Variants in GAREM1 observed in about 807,000 individuals in gnomAD.
The protein encoded by GAREM1 is GRB2 associated regulator of MAPK1 subtype 1.
GAREM1 carries 26 observed loss-of-function variants against 71.3 expected under a neutral mutation model. The observed-to-expected ratio is 0.36, with a 90% CI of 0.27 to 0.51. The LOEUF (loss-of-function observed/expected upper bound fraction) is 0.51, where lower values mean the gene tolerates loss of function less well. Among genes scored for constraint, GAREM1 ranks in the 20% least tolerant of loss-of-function variants. The pLI is 0.95. For synonymous variants in GAREM1, 440 were observed against 433.2 expected (o/e 1.02, Z -0.20); for missense variants, 1,026 against 1,103.1 (o/e 0.93, Z 0.99).
chr18:32,344,371 T>C (rs935143947), intron 2 of GAREM1, among the ~76,000 whole-genome samples: 1 of 152,208 alleles, frequency 6.6e-6, no homozygotes, highest in Non-Finnish European at 1.5e-5. Context: ...TCCTTCTTAG[T>C]ACTGGCAATA....
At chr18:32,343,400 T>C (rs1310507011) in intron 2 of GAREM1, among the ~76,000 whole-genome samples, 3 of 146,628 alleles carry the variant, frequency 2.0e-5, no homozygotes, top group Non-Finnish European at 4.5e-5. Flanking sequence ...CTGCAACCTA[T>C]ACCTCCTGGG....
At chr18:32,321,959 T>C (rs988581352) in intron 2 of GAREM1, among the ~76,000 whole-genome samples, 1 of 152,210 alleles carries the variant, frequency 6.6e-6, no homozygotes, top group African/African-American at 2.4e-5. Flanking sequence ...GGGTAGGCTA[T>C]AGGGGAACCA....
At chr18:32,315,430 A>G (rs1346323379) in intron 2 of GAREM1, among the ~76,000 whole-genome samples, 1 of 147,592 alleles carries the variant, frequency 6.8e-6, no homozygotes, top group Non-Finnish European at 1.5e-5. Flanking sequence ...TATATAAAGT[A>G]TATATAAAAA....
At chr18:32,373,503 C>A (rs889216539) in intron 2 of GAREM1, among the ~76,000 whole-genome samples, 1 of 152,170 alleles carries the variant, frequency 6.6e-6, no homozygotes, top group African/African-American at 2.4e-5. Flanking sequence ...CCTACATTTT[C>A]TCTTCCTTCA....
chr18:32,309,776 A>T (rs1443640210), intron 3 of GAREM1, among the ~76,000 whole-genome samples: 1 of 152,178 alleles, frequency 6.6e-6, no homozygotes, highest in Non-Finnish European at 1.5e-5. Flanking sequence ...AGAAATGCTT[A>T]GAAACCTATT....
At chr18:32,272,715 C>T (rs1027842304) in intron 4 of GAREM1, among the ~76,000 whole-genome samples, 33 of 152,150 alleles carry the variant, frequency 2.2e-4, no homozygotes, top group African/African-American at 8.0e-4. Flanking sequence ...CCTCCGCCTC[C>T]CAGGTTCCAG....
intron 2 of GAREM1, among the ~76,000 whole-genome samples, chr18:32,330,174 C>T (rs1265205476): frequency 6.6e-6 from 1 of 152,062 alleles, no homozygotes; most frequent in Non-Finnish European, 1.5e-5. Flanking sequence ...TACTACACAG[C>T]CATAAACGAG....
At chr18:32,400,122 G>A (rs1391644762) in intron 1 of GAREM1, among the ~76,000 whole-genome samples, 5 of 152,208 alleles carry the variant, frequency 3.3e-5, no homozygotes, top group African/African-American at 1.2e-4. Flanking sequence ...CTAGCCATAT[G>A]TAGAAAGCTG....
At chr18:32,286,943 T>G (rs1469762457) in intron 4 of GAREM1, 88 bp downstream of exon 4, 5 of 940,476 alleles carry the variant, frequency 5.3e-6, no homozygotes, top group Non-Finnish European at 8.3e-6. Flanking sequence ...CAATCTTCAG[T>G]TGGGGAGTTT....
Position 32,344,202 on chromosome 18 carries a change from T to C in GAREM1, c.263-33879A>G, listed in dbSNP as rs562085176. Among the ~76,000 whole-genome samples the C allele has an allele frequency of 3.3e-5, 5 of 152,286 alleles. 1 individual carries two copies. In the South Asian group the frequency reaches 1.0e-3, roughly 32 times the overall value. On this transcript the variant is annotated intron_variant, in intron 2 of 5. Coordinates refer to ENST00000269209, the MANE Select transcript of GAREM1 (RefSeq NM_001242409.2). The stretch of plus-strand genomic sequence containing the variant: ...AGTCCCCAACTGTAGGCTGTTTCTT[T>C]AGGAATTGATCTCTTTTTGGACCCA...
At chr18:32,451,194 G>A (rs2048835196) in intron 1 of GAREM1, among the ~76,000 whole-genome samples, 1 of 152,038 alleles carries the variant, frequency 6.6e-6, no homozygotes, top group Admixed American at 6.6e-5. Context: ...CACAAACTGA[G>A]GCTTTTAGGC....
At chr18:32,453,029 G>T (rs1599058924) in intron 1 of GAREM1, among the ~76,000 whole-genome samples, 1 of 152,030 alleles carries the variant, frequency 6.6e-6, no homozygotes, top group African/African-American at 2.4e-5. Context: ...ACATACCCGA[G>T]ACTGGGTAAT....
intron 3 of GAREM1, among the ~76,000 whole-genome samples, chr18:32,293,039 A>G (rs1256314284): frequency 1.3e-5 from 2 of 152,208 alleles, no homozygotes. Context: ...GAAGAAGACC[A>G]GGAAAGGCAA....
At chr18:32,283,661 A>G (rs1346704899) in intron 4 of GAREM1, among the ~76,000 whole-genome samples, 1 of 152,244 alleles carries the variant, frequency 6.6e-6, no homozygotes, top group Non-Finnish European at 1.5e-5. Context: ...AGAGGACTAG[A>G]GCATCAAATG....
At chr18:32,466,386 T>C (rs2048999235) in intron 1 of GAREM1, among the ~76,000 whole-genome samples, 1 of 152,218 alleles carries the variant, frequency 6.6e-6, no homozygotes, top group Non-Finnish European at 1.5e-5. Context: ...AAATCAAATA[T>C]ATATTTTACT....
intron 1 of GAREM1, among the ~76,000 whole-genome samples, chr18:32,400,101 G>A (rs2048298216): frequency 6.6e-6 from 1 of 152,164 alleles, no homozygotes; most frequent in Non-Finnish European, 1.5e-5. Context: ...AAATGGTGCT[G>A]GGAAAACTGG....
At chr18:32,440,287 A>T (rs1404480227) in intron 1 of GAREM1, among the ~76,000 whole-genome samples, 1 of 152,186 alleles carries the variant, frequency 6.6e-6, no homozygotes, top group Non-Finnish European at 1.5e-5. Flanking sequence ...TTAAGATCAC[A>T]CGGCTTCTAC....
In GAREM1 at chr18:32,357,022, G is replaced by T. The variant is rs145158617; in HGVS notation, c.262+35873C>A. Among the ~76,000 whole-genome samples, 220 of 152,240 alleles carry T rather than the reference G, an allele frequency of 1.4e-3. 1 individual carries two copies. The highest frequency in any genetic ancestry group is 4.6e-3 in the African/African-American group (193 of 41,548). On this transcript the variant is annotated intron_variant, in intron 2 of 5. Coordinates refer to ENST00000269209, the MANE Select transcript of GAREM1 (RefSeq NM_001242409.2). ...TCGTAGCACAATCCCGTGCTACTCTGCCCCTTCCTTTCTGAGAGTAGGGAC... is the reference window on the plus strand; with the variant it reads ...TCGTAGCACAATCCCGTGCTACTCTTCCCCTTCCTTTCTGAGAGTAGGGAC...
At chr18:32,291,425 A>T (rs938923172) in intron 3 of GAREM1, among the ~76,000 whole-genome samples, 1 of 152,018 alleles carries the variant, frequency 6.6e-6, no homozygotes, top group Non-Finnish European at 1.5e-5. Flanking sequence ...CTTTCTGAGT[A>T]TACCTTGCCA....
Sources: gnomAD v4.1 joint callset for allele counts (sites outside exome capture counted in the v4.1 genomes callset) on GRCh38, gnomAD v4.1.1 for gene constraint, MANE v1.5 for transcripts, NCBI Gene and HGNC (gene_info 2026-07-23, HGNC 2026-07-21) for gene names.